The following L3MBTL1 variants were observed in gnomAD, a reference collection of about 807,000 sequenced individuals.
L3MBTL1 encodes L3MBTL histone methyl-lysine binding protein 1, also known as lethal(3)malignant brain tumor-like protein 1.
L3MBTL1 carries 75 observed loss-of-function variants against 105.3 expected under a neutral mutation model. That is an observed-to-expected ratio of 0.71 (90% CI 0.59 to 0.86). The LOEUF (loss-of-function observed/expected upper bound fraction) is 0.86, where lower values mean the gene tolerates loss of function less well. Ranked by LOEUF, L3MBTL1 falls within the 40% of genes least tolerant of loss-of-function variation. The probability of loss-of-function intolerance (pLI) is 0.00; values close to 1 mark genes in which losing one functional copy is unlikely to be tolerated. For synonymous variants in L3MBTL1, 452 were observed against 436.2 expected, an observed-to-expected ratio of 1.04 and a Z score of -0.45; for missense variants, 1,069 against 1,126.4, an observed-to-expected ratio of 0.95 and a Z score of 0.73.
chr20:43,537,543 A>G (rs1246518629), intron 19 of L3MBTL1, among the ~76,000 whole-genome samples: 1 of 152,162 alleles, frequency 6.6e-6, no homozygotes, highest in Non-Finnish European at 1.5e-5. Flanking sequence ...TCCCATTCAG[A>G]GGCACTGGGG....
At chr20:43,527,204 T>G (rs543816903) in intron 7 of L3MBTL1, among the ~76,000 whole-genome samples, 1 of 152,344 alleles carries the variant, frequency 6.6e-6, no homozygotes, top group East Asian at 1.9e-4. Flanking sequence ...ATCATAGTGA[T>G]CCTGTATGGT....
chr20:43,534,910 C>G lies in L3MBTL1; in HGVS notation c.1793C>G (p.Ser598Cys). The stretch of plus-strand genomic sequence containing the variant: ...GACATCCACCCTGCCGGCTGGTGCT[C>G]CAAGACAGGACATCCCCTGCAGCCT... ...HPDIHPAGWC[S>C]KTGHPLQPPL... Residue 598 changes from serine to cysteine, a missense_variant, in exon 16 of 22, where the codon TCC becomes TGC. Coordinates refer to ENST00000418998, the MANE Select transcript of L3MBTL1 (RefSeq NM_001377303.1). 6.2e-7 allele frequency: 1 copy of G among 1,608,222 alleles called. No homozygotes were observed. Among genetic ancestry groups the G allele is most frequent in the Non-Finnish European group, 8.5e-7 (1 of 1,179,428 alleles).
intron 7 of L3MBTL1, among the ~76,000 whole-genome samples, chr20:43,528,213 C>G (rs989023666): frequency 6.6e-6 from 1 of 152,176 alleles, no homozygotes; most frequent in East Asian, 1.9e-4. Flanking sequence ...TTTCTCCCAA[C>G]CCTTCCACTT....
Position 43,541,182 on chromosome 20 carries a change from G to A in L3MBTL1, c.*54G>A. The A allele has an allele frequency of 6.3e-7, 1 of 1,579,334 alleles. No homozygotes were observed. Among genetic ancestry groups the A allele is most frequent in the Non-Finnish European group, 8.6e-7 (1 of 1,159,648 alleles). Reference sequence around the variant, plus strand: ...ATAGTTGATAATTAAAGTGTATTTTGAATGACACAGATATTGTGATTTACT... The same window carrying A: ...ATAGTTGATAATTAAAGTGTATTTTAAATGACACAGATATTGTGATTTACT... On this transcript the variant is annotated 3_prime_UTR_variant, in exon 22 of 22. Transcript: ENST00000418998.
intron 7 of L3MBTL1, among the ~76,000 whole-genome samples, chr20:43,522,279 C>T (rs925699538): frequency 2.0e-5 from 3 of 151,822 alleles, no homozygotes; most frequent in Non-Finnish European, 2.9e-5. Context: ...CACTTAAACC[C>T]GTGAACCGGA....
chr20:43,515,587 G>A (rs981136442), intron 6 of L3MBTL1, 172 bp downstream of exon 6: 3 of 741,290 alleles, frequency 4.0e-6, no homozygotes, highest in Non-Finnish European at 6.4e-6. Flanking sequence ...CTGGTTAAAG[G>A]GAAATGAATT....
chr20:43,512,070 A>ATTAC (rs2018148961), intron 1 of L3MBTL1, among the ~76,000 whole-genome samples: 2 of 152,190 alleles, frequency 1.3e-5, no homozygotes, highest in Non-Finnish European at 2.9e-5. Flanking sequence ...ATTTTACTGT[A>ATTAC]AGGGCAATAG....
chr20:43,513,231 C>G (rs986360499), intron 1 of L3MBTL1, among the ~76,000 whole-genome samples: 1 of 152,188 alleles, frequency 6.6e-6, no homozygotes, highest in Non-Finnish European at 1.5e-5. Flanking sequence ...CTCACACATG[C>G]CACCCTACCC....
intron 8 of L3MBTL1, chr20:43,529,002 A>G: frequency 1.7e-6 from 1 of 602,242 alleles, no homozygotes; most frequent in Non-Finnish European, 2.9e-6. Flanking sequence ...GGTGACTTCT[A>G]CTCAATTCAG....
chr20:43,524,345 CT>C (rs1600920702), intron 7 of L3MBTL1, among the ~76,000 whole-genome samples: 2 of 152,020 alleles, frequency 1.3e-5, no homozygotes, highest in East Asian at 3.8e-4. Context: ...CATCGTTGTT[CT>C]TTTATTTAAC....
Position 43,532,864 on chromosome 20 carries a change from A to G in L3MBTL1, c.1376A>G (p.Asp459Gly), listed in dbSNP as rs773318506. ...CTTGTCTGCGTGGCCAGTGTGACCGATGTGGTGGACAGCCGCTTCCTGGTG... is the reference window on the plus strand; with the variant it reads ...CTTGTCTGCGTGGCCAGTGTGACCGGTGTGGTGGACAGCCGCTTCCTGGTG... ...PSLVCVASVT[D>G]VVDSRFLVHF... The change falls in exon 12 of 22, where the codon GAT (aspartate) becomes GGT (glycine). Residue 459 changes from aspartate to glycine, a missense_variant. Asp to Gly is a moderately conservative substitution (Grantham distance 94). Transcript: ENST00000418998. 1 of 1,613,062 alleles carries G rather than the reference A, an allele frequency of 6.2e-7. No individual in the cohort carries two copies. Among genetic ancestry groups the G allele is most frequent in the East Asian group, 2.2e-5 (1 of 44,878 alleles).
downstream of L3MBTL1, among the ~76,000 whole-genome samples, chr20:43,546,684 G>T (rs760052322): frequency 6.6e-6 from 1 of 152,036 alleles, no homozygotes; most frequent in South Asian, 2.1e-4. Context: ...ATTCTATCCT[G>T]TCCTCCACAA....
intron 7 of L3MBTL1, among the ~76,000 whole-genome samples, chr20:43,521,288 C>T (rs921210582): frequency 2.0e-5 from 3 of 152,160 alleles, no homozygotes; most frequent in African/African-American, 4.8e-5. Flanking sequence ...TCTGTTCTTC[C>T]CTTTACATTT....
Position 43,540,157 on chromosome 20 carries a change from C to G in L3MBTL1, c.2180C>G (p.Thr727Arg). 1 of 1,611,852 alleles carries G rather than the reference C, an allele frequency of 6.2e-7. No individual in the cohort carries two copies. Among genetic ancestry groups the G allele is most frequent in the Non-Finnish European group, 8.5e-7 (1 of 1,180,016 alleles). Reference protein sequence around the residue: ...KIPQEDFQTLTPDVVHQSLFM... With the variant: ...KIPQEDFQTLRPDVVHQSLFM... ...CTCTGCCTCTGCTTTCCAGCCCTCA[C>G]GCCCGATGTCGTGCACCAGTCCCTC... Residue 727 changes from threonine to arginine, a missense_variant, in exon 20 of 22, where the codon ACG becomes AGG. Coordinates refer to ENST00000418998, the MANE Select transcript of L3MBTL1 (RefSeq NM_001377303.1).
chr20:43,532,957 G>T, intron 12 of L3MBTL1, 33 bp downstream of exon 12: 1 of 1,612,802 alleles, frequency 6.2e-7, no homozygotes. Context: ...GCCTCAGGGG[G>T]TGAGGGGATG....
chr20:43,525,975 A>G (rs2019010943), intron 7 of L3MBTL1, among the ~76,000 whole-genome samples: 1 of 152,204 alleles, frequency 6.6e-6, no homozygotes, highest in African/African-American at 2.4e-5. Context: ...TGTTGTGACT[A>G]GTGAGCAAAT....
rs777906569 is a variant in L3MBTL1 at position 43,536,439 on chromosome 20, T to G, written c.2154T>G (p.Ile718Met). Residue 718 changes from isoleucine (I) to methionine (M), a missense_variant, in exon 19 of 22, where the codon ATT (isoleucine) becomes ATG (methionine). Ile to Met is a conservative substitution (Grantham distance 10). Coordinates refer to ENST00000418998, the MANE Select transcript of L3MBTL1 (RefSeq NM_001377303.1). ...RIGRPPKYRK[I>M]PQEDFQTLTP... Reference sequence around the variant, plus strand: ...GACGCCCTCCGAAGTATCGAAAGATTCCGCAGGAAGATTTCCAGAGTAAGT... The same window carrying G: ...GACGCCCTCCGAAGTATCGAAAGATGCCGCAGGAAGATTTCCAGAGTAAGT... The G allele has an allele frequency of 1.2e-6, 2 of 1,614,018 alleles. No individual in the cohort carries two copies. Among genetic ancestry groups the G allele is most frequent in the Non-Finnish European group, 1.7e-6 (2 of 1,180,030 alleles).
At chr20:43,527,424 G>T (rs2019089566) in intron 7 of L3MBTL1, among the ~76,000 whole-genome samples, 1 of 152,198 alleles carries the variant, frequency 6.6e-6, no homozygotes, top group African/African-American at 2.4e-5. Flanking sequence ...TCCTCTGTTA[G>T]AGGCTAGGAC....
chr20:43,524,338 C>T (rs916173784), intron 7 of L3MBTL1, among the ~76,000 whole-genome samples: 4 of 152,244 alleles, frequency 2.6e-5, no homozygotes, highest in East Asian at 1.9e-4. Context: ...TTATTTCCAT[C>T]GTTGTTCTTT....
Sources: allele counts gnomAD v4.1 joint callset (sites outside exome capture counted in the v4.1 genomes callset), GRCh38; gene constraint gnomAD v4.1.1; transcripts MANE v1.5; gene names NCBI Gene and HGNC (gene_info 2026-07-23, HGNC 2026-07-21).